Variants in AGBL2 observed in about 807,000 individuals in gnomAD.
AGBL2 encodes AGBL carboxypeptidase 2, also known as cytosolic carboxypeptidase 2.
In AGBL2, 87 loss-of-function variants were observed where a neutral mutation model predicts 103.0. The ratio of observed to expected loss-of-function variants is 0.84; its 90% confidence interval spans 0.71 to 1.01. AGBL2 has a LOEUF of 1.01. Among genes scored for constraint, AGBL2 ranks in the 50% least tolerant of loss-of-function variants. The probability of loss-of-function intolerance (pLI) is 0.00; values close to 1 mark genes in which losing one functional copy is unlikely to be tolerated. For missense variants in AGBL2, 904 were observed against 1,023.5 expected, an observed-to-expected ratio of 0.88 and a Z score of 1.59; for synonymous variants, 335 against 356.7, an observed-to-expected ratio of 0.94 and a Z score of 0.69.
At chr11:47,686,116 G>A in intron 10 of AGBL2, 67 bp from the exon 11 acceptor site, 1 of 1,521,044 alleles carries the variant, frequency 6.6e-7, no homozygotes, top group Non-Finnish European at 9.0e-7. Flanking sequence ...AGGATCATTT[G>A]GTATCTCTTC....
intron 4 of AGBL2, among the ~76,000 whole-genome samples, chr11:47,708,460 T>C (rs2097527651): frequency 6.6e-6 from 1 of 152,006 alleles, no homozygotes; most frequent in South Asian, 2.1e-4. Flanking sequence ...ATTTTTTTTT[T>C]TTTAGTTTGT....
chr11:47,660,506 T>C (rs2097325256), intron 18 of AGBL2, among the ~76,000 whole-genome samples, 160 bp from the exon 19 acceptor site: 1 of 152,106 alleles, frequency 6.6e-6, no homozygotes, highest in African/African-American at 2.4e-5. Flanking sequence ...CAGAGGTGAA[T>C]TGAGCATTTG....
At chr11:47,710,933 A>G (rs1221124511) in intron 3 of AGBL2, 1 of 421,126 alleles carries the variant, frequency 2.4e-6, no homozygotes, top group South Asian at 1.7e-5. Flanking sequence ...AAGAAAAAAA[A>G]AATTATGGCC....
chr11:47,674,283 T>C (rs992608286), intron 14 of AGBL2, among the ~76,000 whole-genome samples: 1 of 150,658 alleles, frequency 6.6e-6, no homozygotes, highest in Non-Finnish European at 1.5e-5. Flanking sequence ...AGCATTTGGC[T>C]GGGCGCGGTG....
At chr11:47,696,066 C>T (rs865913592) in intron 8 of AGBL2, among the ~76,000 whole-genome samples, 38 of 124,556 alleles carry the variant, frequency 3.1e-4, no homozygotes, top group African/African-American at 9.5e-4. Flanking sequence ...GGCGTGGTGG[C>T]GCACACCTGT....
In AGBL2 at chr11:47,710,436, C is replaced by G; in HGVS notation, c.173G>C (p.Gly58Ala). The G allele has an allele frequency of 6.2e-7, 1 of 1,614,094 alleles. No individual in the cohort carries two copies. The stretch of plus-strand genomic sequence containing the variant: ...CAAATCATCTTTTTCCCCAAGAGAG[C>G]CATTCAACAGGCATTGAGGGTTATT... ...RKNNPQCLLN[G>A]SLGEKDDLIP... The change falls in exon 4 of 19, where the codon GGC becomes GCC. Residue 58 changes from glycine (G) to alanine (A), a missense_variant. By Grantham distance (60) the Gly-to-Ala change is moderately conservative. Transcript: ENST00000525123.
Position 47,710,391 on chromosome 11 carries a change from T to A in AGBL2, c.218A>T (p.Lys73Met). Residue 73 changes from lysine (K) to methionine (M), a missense_variant, in exon 4 of 19, where the codon AAG becomes ATG. Lys to Met is a moderately conservative substitution (Grantham distance 95). Transcript: ENST00000525123. ...TTGTTACTCACATAGAAGCTTCTCCTTTTGCAGGGTGTCTGGTATCAAATC... is the reference window on the plus strand; with the variant it reads ...TTGTTACTCACATAGAAGCTTCTCCATTTGCAGGGTGTCTGGTATCAAATC... The part of the protein sequence containing the change: ...KDDLIPDTLQ[K>M]EKLLWPISLS... 1 of 1,614,094 alleles carries A rather than the reference T, an allele frequency of 6.2e-7. No homozygotes were observed. The highest frequency in any genetic ancestry group is 8.5e-7 in the Non-Finnish European group (1 of 1,179,968).
Position 47,714,741 on chromosome 11 carries a change from A to G in AGBL2, c.-91T>C, listed in dbSNP as rs1277445882. 6.1e-6 allele frequency: 8 copies of G among 1,303,138 alleles called. No homozygotes were observed. In the East Asian group the frequency reaches 1.8e-4, roughly 30 times the overall value. The allele number at this position is 1,303,138 out of a possible 1,614,324, so 80.7% of individuals were successfully genotyped here. ...AATTTCCAAATAGGCAGCTGATTAC[A>G]CAAGAGAAGCTACAAAGCCACAAGA... On this transcript the variant is annotated 5_prime_UTR_variant, in exon 2 of 19. Coordinates refer to ENST00000525123, the MANE Select transcript of AGBL2 (RefSeq NM_024783.4).
At chr11:47,709,547 T>G (rs1478915350) in intron 4 of AGBL2, among the ~76,000 whole-genome samples, 1 of 152,160 alleles carries the variant, frequency 6.6e-6, no homozygotes, top group East Asian at 1.9e-4. Context: ...GCAAAGAGCC[T>G]TAGTAAGCAT....
rs1470421616 is a variant in AGBL2 at position 47,660,315 on chromosome 11, G to A, written c.2567C>T (p.Ser856Phe). 1.9e-6 allele frequency: 3 copies of A among 1,614,182 alleles called. No individual in the cohort carries two copies. The change falls in exon 19 of 19, where the codon TCT becomes TTT. Residue 856 changes from serine to phenylalanine, a missense_variant. Transcript: ENST00000525123. ...NKKPGFTVSC[S>F]PKRTINSSQE... is the part of the protein sequence containing the mutation. ...GCTGGAGTTTATGGTTCTCTTTGGA[G>A]AGCATGATACTGTAAAGCCTGGCTT...
At chr11:47,714,940 G>A in intron 1 of AGBL2, 190 bp from the exon 2 acceptor site, 1 of 446,788 alleles carries the variant, frequency 2.2e-6, no homozygotes, top group Non-Finnish European at 4.1e-6. Flanking sequence ...TTCCCAAGGT[G>A]CTGGCCCCAT....
At chr11:47,693,058 G>A (rs7101582) in intron 8 of AGBL2, among the ~76,000 whole-genome samples, 46,400 of 151,786 alleles carry the variant, frequency 0.31, 8,640 homozygotes, top group African/African-American at 0.52. Flanking sequence ...GGGCCCAAGC[G>A]ATCCTCCTTC....
chr11:47,674,175 A>T (rs1171934764), intron 14 of AGBL2, among the ~76,000 whole-genome samples: 1 of 152,194 alleles, frequency 6.6e-6, no homozygotes, highest in Non-Finnish European at 1.5e-5. Flanking sequence ...TATGGAAAAA[A>T]GTAGAGCACC....
At chr11:47,684,586 A>T (rs183880927) in intron 11 of AGBL2, among the ~76,000 whole-genome samples, 1 of 151,490 alleles carries the variant, frequency 6.6e-6, no homozygotes, top group Non-Finnish European at 1.5e-5. Flanking sequence ...AGAAAAAAAA[A>T]TAAGTAAAAT....
rs550810831 is a variant in AGBL2, at chr11:47,680,954, T to C, written c.1916-881A>G. Among the ~76,000 whole-genome samples, 18 of 152,302 alleles carry C rather than the reference T, an allele frequency of 1.2e-4. No homozygotes were observed. In the South Asian group the frequency reaches 3.7e-3, roughly 32 times the overall value. ...TCTAATTACTGGGGTTTTTACTTCA[T>C]GTTAGGCACTATGGGAAGTGCACTC... On this transcript the variant is annotated intron_variant, in intron 12 of 18. Coordinates refer to ENST00000525123, the MANE Select transcript of AGBL2 (RefSeq NM_024783.4).
rs1565026654 is a variant in AGBL2, at chr11:47,678,338, A to ATTATTTTTTTTTTTTTTTTTTTTTTT, written c.2017-938_2017-937insAAAAAAAAAAAAAAAAAAAAAAATAA. Among the ~76,000 whole-genome samples the ATTATTTTTTTTTTTTTTTTTTTTTTT allele has an allele frequency of 8.8e-4, 84 of 95,258 alleles. 6 individuals are homozygous for ATTATTTTTTTTTTTTTTTTTTTTTTT. Among genetic ancestry groups the ATTATTTTTTTTTTTTTTTTTTTTTTT allele is most frequent in the South Asian group, 1.5e-3 (4 of 2,618 alleles). The allele number at this position is 95,258 out of a possible 152,430, so 62.5% of individuals were successfully genotyped here. ...TTATTTTATTTTATTTTATTTTATTATTTTATTTTTTTTGAGACGGAGTCT... is the reference window on the plus strand; with the variant it reads ...TTATTTTATTTTATTTTATTTTATTATTATTTTTTTTTTTTTTTTTTTTTTTTTTTATTTTTTTTGAGACGGAGTCT... On this transcript the variant is annotated intron_variant, in intron 13 of 18. Coordinates refer to ENST00000525123, the MANE Select transcript of AGBL2 (RefSeq NM_024783.4).
chr11:47,679,988 A>T lies in AGBL2; in HGVS notation c.2001T>A (p.Asp667Glu), dbSNP rs751188893. Residue 667 changes from aspartate to glutamate, a missense_variant, in exon 13 of 19, where the codon GAT (aspartate) becomes GAA (glutamate). By Grantham distance (45) the Asp-to-Glu change is conservative. Coordinates refer to ENST00000525123, the MANE Select transcript of AGBL2 (RefSeq NM_024783.4). Reference protein sequence around the residue: ...HVCDTLLDFCDPDQMKFTQCL... With the variant: ...HVCDTLLDFCEPDQMKFTQCL... ...CCATTTTTACCTTCATTTGGTCAGG[A>T]TCACAAAAGTCCAGAAGGGTGTCAC... is the stretch of plus-strand genomic sequence containing the variant. 15 of 1,609,194 alleles carry T rather than the reference A, an allele frequency of 9.3e-6. No individual in the cohort carries two copies. The South Asian group carries it at 1.4e-4, about 15-fold the overall frequency.
At chr11:47,691,630 C>T (rs1431423301) in intron 9 of AGBL2, among the ~76,000 whole-genome samples, 2 of 143,146 alleles carry the variant, frequency 1.4e-5, no homozygotes, top group African/African-American at 5.2e-5. Context: ...ATGGCATGAA[C>T]CTGGGAGGCG....
intron 13 of AGBL2, among the ~76,000 whole-genome samples, 175 bp downstream of exon 13, chr11:47,679,798 G>A (rs1598954249): frequency 6.6e-6 from 1 of 151,734 alleles, no homozygotes; most frequent in Non-Finnish European, 1.5e-5. Context: ...ATGCCACCAC[G>A]ACCAGCTAAT....
Sources: gnomAD v4.1 joint callset for allele counts (sites outside exome capture counted in the v4.1 genomes callset) on GRCh38, gnomAD v4.1.1 for gene constraint, MANE v1.5 for transcripts, NCBI Gene and HGNC (gene_info 2026-07-23, HGNC 2026-07-21) for gene names.